Variants in ZNF461 observed in about 807,000 individuals in gnomAD.
ZNF461 encodes gonadotropin-inducible ovarian transcription factor-1.
A neutral mutation model predicts 18.3 loss-of-function variants in ZNF461; 16 were observed. That is an observed-to-expected ratio of 0.88 (90% CI 0.59 to 1.33). The LOEUF is 1.33. ZNF461 is among the 40% of genes most tolerant of loss of function. ZNF461 has a pLI of 0.00. For missense variants in ZNF461, 595 were observed against 669.9 expected (o/e 0.89, Z 1.23); for synonymous variants, 179 against 216.9 (o/e 0.83, Z 1.54).
chr19:36,665,942 CTG>C (rs2037915562), intron 1 of ZNF461, among the ~76,000 whole-genome samples: 1 of 151,954 alleles, frequency 6.6e-6, no homozygotes, highest in African/African-American at 2.4e-5. Context: ...TGACAGATCT[CTG>C]GAGTGGGGCG....
chr19:36,649,813 A>G (rs986556014), intron 4 of ZNF461, among the ~76,000 whole-genome samples: 2 of 152,264 alleles, frequency 1.3e-5, no homozygotes, highest in Non-Finnish European at 2.9e-5. Flanking sequence ...GTTTCACAAC[A>G]TATACATATA....
intron 3 of ZNF461, chr19:36,657,770 C>T (rs991120440): frequency 2.6e-5 from 4 of 152,278 alleles, no homozygotes; most frequent in African/African-American, 7.2e-5. Flanking sequence ...AAGAACGAAA[C>T]TCCGTCTCAA....
rs562652882 is a variant in ZNF461, at chr19:36,639,007, A to G, written c.1338T>C (p.Cys446=). The G allele has an allele frequency of 1.9e-6, 3 of 1,614,086 alleles. No homozygotes were observed. The South Asian group carries it at 3.3e-5, about 18-fold the overall frequency. Residue 446 remains cysteine, a synonymous_variant, in exon 6 of 6, where the codon TGT becomes TGC. Coordinates refer to ENST00000588268, the MANE Select transcript of ZNF461 (RefSeq NM_153257.5). ...TGEKPYECKE[C]GKTFRQCSHL... ...GTGAACACTGTCTAAAAGTCTTCCC[A>G]CATTCCTTACACTCATAGGGTTTCT... is the stretch of plus-strand genomic sequence containing the variant.
At chr19:36,640,091 GAAATA>G in intron 5 of ZNF461, 48 bp from the exon 6 acceptor site, 1 of 1,453,104 alleles carries the variant, frequency 6.9e-7, no homozygotes, top group African/African-American at 1.4e-5. Flanking sequence ...TACTATAAGA[GAAATA>G]AAATATCTAT....
intron 4 of ZNF461, among the ~76,000 whole-genome samples, chr19:36,650,782 T>C (rs560825524): frequency 6.6e-6 from 1 of 151,172 alleles, no homozygotes; most frequent in East Asian, 1.9e-4. Flanking sequence ...TAATTTAATA[T>C]TTAAAAACAG....
chr19:36,664,517 G>A (rs1210041744), intron 2 of ZNF461, among the ~76,000 whole-genome samples, 181 bp downstream of exon 2: 2 of 151,946 alleles, frequency 1.3e-5, no homozygotes, highest in East Asian at 1.9e-4. Flanking sequence ...GAACCTGGGA[G>A]GTGGAGGCTG....
Position 36,636,649 on chromosome 19 carries a change from C to A in ZNF461, c.*2004G>T, listed in dbSNP as rs766804743. ...GTTCATAAAGGTGGGAGCCAAGGGG[C>A]CAGAGCAAATCAAAAGCTGCAAAGG... On this transcript the variant is annotated 3_prime_UTR_variant, in exon 6 of 6. Coordinates refer to ENST00000588268, the MANE Select transcript of ZNF461 (RefSeq NM_153257.5). 6.6e-6 allele frequency among the ~76,000 whole-genome samples: 1 copy of A among 152,054 alleles called. No individual in the cohort carries two copies. Among genetic ancestry groups the A allele is most frequent in the African/African-American group, 2.4e-5 (1 of 41,384 alleles).
At chr19:36,654,684 A>G (rs940486719) in intron 4 of ZNF461, among the ~76,000 whole-genome samples, 7 of 152,034 alleles carry the variant, frequency 4.6e-5, no homozygotes, top group South Asian at 2.1e-4. Flanking sequence ...TAGCACTTCA[A>G]TGAATCACAG....
At chr19:36,655,157 T>A (rs1199574810) in intron 4 of ZNF461, among the ~76,000 whole-genome samples, 2 of 152,076 alleles carry the variant, frequency 1.3e-5, no homozygotes, top group Non-Finnish European at 2.9e-5. Flanking sequence ...CTGGTGAATA[T>A]TTTAATTTTT....
chr19:36,649,399 T>C (rs2037586689), intron 4 of ZNF461, among the ~76,000 whole-genome samples: 1 of 152,232 alleles, frequency 6.6e-6, no homozygotes, highest in South Asian at 2.1e-4. Context: ...GGCATAATCT[T>C]GGCTCACTGC....
Position 36,643,867 on chromosome 19 carries a change from A to G in ZNF461, c.233-5T>C, listed in dbSNP as rs773272265. On this transcript the variant is annotated splice_region_variant and splice_polypyrimidine_tract_variant and intron_variant, in intron 4 of 5. Transcript: ENST00000588268. ...ATCCCCAAGTTTTCCATGTACCTAC[A>G]TGGAAACAAAAGAATAAATACTTCA... 4.6e-6 allele frequency: 7 copies of G among 1,507,364 alleles called. No individual in the cohort carries two copies. The highest frequency in any genetic ancestry group is 2.1e-5 in the Admixed American group (1 of 48,288). 93.4% of individuals were successfully genotyped at this position (1,507,364 alleles called of 1,614,324 possible).
At chr19:36,660,916 TAAAG>T (rs1261122010) in intron 2 of ZNF461, among the ~76,000 whole-genome samples, 2 of 151,922 alleles carry the variant, frequency 1.3e-5, no homozygotes, top group African/African-American at 4.8e-5. Context: ...GATAATCAAC[TAAAG>T]AAAGAAATAT....
At position 36,638,855 on chromosome 19, in the gene ZNF461, T is replaced by C. The variant is rs141571475; in HGVS notation, c.1490A>G (p.Tyr497Cys). 2.0e-4 allele frequency: 326 copies of C among 1,613,924 alleles called. 1 individual carries two copies. The East Asian group carries it at 5.1e-3, about 25-fold the overall frequency. The change falls in exon 6 of 6, where the codon TAT (tyrosine) becomes TGT (cysteine). Residue 497 changes from tyrosine to cysteine, a missense_variant. Transcript: ENST00000588268. ...HQRIHTGEKP[Y>C]ECKECGKAFS... is the part of the protein sequence containing the mutation. ...GGCCTTCCCACATTCCTTACATTCA[T>C]AGGGTTTCTCACCAGTATGAATTCT...
chr19:36,665,447 A>G (rs2037892037), intron 1 of ZNF461, among the ~76,000 whole-genome samples: 1 of 152,228 alleles, frequency 6.6e-6, no homozygotes, highest in African/African-American at 2.4e-5. Context: ...GCGGTGGCTC[A>G]CGCCTGTAAT....
At position 36,637,589 on chromosome 19, in the gene ZNF461, C is replaced by G. The variant is rs2037320481; in HGVS notation, c.*1064G>C. 1 of 225,230 alleles carries G rather than the reference C, an allele frequency of 4.4e-6. No individual in the cohort carries two copies. The highest frequency in any genetic ancestry group is 8.9e-6 in the Non-Finnish European group (1 of 112,022). The allele number at this position is 225,230 out of a possible 1,614,324, so 14.0% of individuals were successfully genotyped here. On this transcript the variant is annotated 3_prime_UTR_variant, in exon 6 of 6. Coordinates refer to ENST00000588268, the MANE Select transcript of ZNF461 (RefSeq NM_153257.5). Reference sequence around the variant, plus strand: ...CTGCGCATGCCTGTAGTCCCAGCTACTCAGGAGGCTGAGGCAGGAGAATTT... The same window carrying G: ...CTGCGCATGCCTGTAGTCCCAGCTAGTCAGGAGGCTGAGGCAGGAGAATTT...
chr19:36,661,520 G>A (rs963239057), intron 2 of ZNF461, among the ~76,000 whole-genome samples: 1 of 135,846 alleles, frequency 7.4e-6, no homozygotes, highest in African/African-American at 2.6e-5. Flanking sequence ...AGATGGTAGA[G>A]TAAAACCTAA....
intron 2 of ZNF461, among the ~76,000 whole-genome samples, chr19:36,663,249 A>G (rs2037846876): frequency 6.6e-6 from 1 of 151,986 alleles, no homozygotes; most frequent in South Asian, 2.1e-4. Context: ...TCCTGTCCTA[A>G]AGCAATTCTC....
intron 1 of ZNF461, among the ~76,000 whole-genome samples, chr19:36,666,014 G>GT: frequency 6.6e-6 from 1 of 152,044 alleles, no homozygotes; most frequent in African/African-American, 2.4e-5. Flanking sequence ...GTGTCTGTGT[G>GT]TGAGAGACCA....
chr19:36,664,300 A>G (rs1406788078), intron 2 of ZNF461, among the ~76,000 whole-genome samples: 3 of 152,186 alleles, frequency 2.0e-5, no homozygotes, highest in Admixed American at 6.6e-5. Flanking sequence ...CAGAATAAAT[A>G]ATGCAGGCCA....
Sources: gnomAD v4.1 joint callset for allele counts (sites outside exome capture counted in the v4.1 genomes callset) on GRCh38, gnomAD v4.1.1 for gene constraint, MANE v1.5 for transcripts, NCBI Gene and HGNC (gene_info 2026-07-23, HGNC 2026-07-21) for gene names.